The following DENND1A variants were observed in gnomAD, a reference collection of about 807,000 sequenced individuals.
DENND1A encodes DENN domain containing 1A, also known as DENN domain-containing protein 1A.
In DENND1A, 51 loss-of-function variants were observed where a neutral mutation model predicts 113.7. The observed-to-expected ratio is 0.45, with a 90% confidence interval of 0.36 to 0.57. The LOEUF (loss-of-function observed/expected upper bound fraction) is 0.57. Among genes scored for constraint, DENND1A ranks in the 20% least tolerant of loss-of-function variants. The pLI is 0.00. For missense variants in DENND1A, 1,258 were observed against 1,395.9 expected (o/e 0.90, Z 1.57); for synonymous variants, 565 against 570.8 (o/e 0.99, Z 0.14).
intron 2 of DENND1A, among the ~76,000 whole-genome samples, chr9:123,816,546 A>G (rs1837522446): frequency 6.6e-6 from 1 of 152,228 alleles, no homozygotes; most frequent in African/African-American, 2.4e-5. Context: ...AACTTATTAT[A>G]ATATAATATG....
At chr9:123,848,587 A>G (rs1397096958) in intron 2 of DENND1A, among the ~76,000 whole-genome samples, 2 of 152,116 alleles carry the variant, frequency 1.3e-5, no homozygotes, top group African/African-American at 2.4e-5. Flanking sequence ...TCACCCTACA[A>G]TGGCCTCTGA....
chr9:123,684,044 G>A (rs2064646664), intron 5 of DENND1A, among the ~76,000 whole-genome samples: 1 of 152,146 alleles, frequency 6.6e-6, no homozygotes, highest in African/African-American at 2.4e-5. Flanking sequence ...ATTATTCAAA[G>A]TAGATCAAGG....
intron 5 of DENND1A, among the ~76,000 whole-genome samples, chr9:123,740,899 T>TGAGAGAGAGAGAAAGA (rs2068955491): frequency 9.2e-6 from 1 of 108,870 alleles, no homozygotes. Context: ...GAAGGGAAAG[T>TGAGAGAGAGAGAAAGA]GAGAGAGAGA....
At chr9:123,576,372 G>A (rs2058636479) in intron 12 of DENND1A, among the ~76,000 whole-genome samples, 1 of 152,102 alleles carries the variant, frequency 6.6e-6, no homozygotes, top group African/African-American at 2.4e-5. Flanking sequence ...ACTATCTGTG[G>A]TTCTCTTCAC....
At chr9:123,833,351 A>G (rs959339349) in intron 2 of DENND1A, among the ~76,000 whole-genome samples, 2 of 152,112 alleles carry the variant, frequency 1.3e-5, no homozygotes, top group Non-Finnish European at 2.9e-5. Context: ...ATGTTATAAA[A>G]AAGTTTTTCT....
intron 12 of DENND1A, among the ~76,000 whole-genome samples, chr9:123,571,478 C>A (rs531872688): frequency 6.6e-6 from 1 of 152,342 alleles, no homozygotes; most frequent in East Asian, 1.9e-4. Flanking sequence ...TCCATCCCAG[C>A]CCAAGGCAAC....
intron 5 of DENND1A, chr9:123,751,600 T>C (rs1182606450): frequency 1.3e-5 from 2 of 152,248 alleles, no homozygotes; most frequent in African/African-American, 2.4e-5. Flanking sequence ...CAGTATTCCA[T>C]TTGCTACCGG....
chr9:123,727,406 A>G (rs1411030787), intron 5 of DENND1A, among the ~76,000 whole-genome samples: 1 of 152,226 alleles, frequency 6.6e-6, no homozygotes, highest in African/African-American at 2.4e-5. Flanking sequence ...AACACCTATG[A>G]CACTCAAGGA....
intron 22 of DENND1A, among the ~76,000 whole-genome samples, chr9:123,384,714 G>A (rs1443911965): frequency 3.3e-5 from 5 of 152,170 alleles, no homozygotes; most frequent in South Asian, 2.1e-4. Flanking sequence ...TTGGGAGGCC[G>A]AGGCGGGCGG....
At chr9:123,922,491 G>A (rs561827277) in intron 1 of DENND1A, among the ~76,000 whole-genome samples, 4 of 152,246 alleles carry the variant, frequency 2.6e-5, no homozygotes, top group South Asian at 2.1e-4. Context: ...ATATTCTCAC[G>A]TTCCAATGCG....
intron 11 of DENND1A, among the ~76,000 whole-genome samples, chr9:123,592,703 C>T (rs763200210): frequency 2.0e-5 from 3 of 152,068 alleles, no homozygotes; most frequent in Non-Finnish European, 4.4e-5. Flanking sequence ...TGAGGTCTTG[C>T]TGTGTTGTCC....
intron 4 of DENND1A, among the ~76,000 whole-genome samples, chr9:123,761,143 G>A (rs544933266): frequency 2.6e-5 from 4 of 152,096 alleles, no homozygotes; most frequent in South Asian, 2.1e-4. Context: ...TAAAAATGCT[G>A]GAAATGTGTT....
chr9:123,495,287 G>A (rs2051813549), intron 13 of DENND1A, among the ~76,000 whole-genome samples: 1 of 152,148 alleles, frequency 6.6e-6, no homozygotes, highest in African/African-American at 2.4e-5. Context: ...AAACGAATGT[G>A]TTGAGTGCAT....
chr9:123,859,580 C>G (rs1430428316), intron 2 of DENND1A, among the ~76,000 whole-genome samples: 1 of 151,910 alleles, frequency 6.6e-6, no homozygotes, highest in Admixed American at 6.6e-5. Flanking sequence ...ATCCATCCAT[C>G]CAAATATTCA....
intron 2 of DENND1A, among the ~76,000 whole-genome samples, chr9:123,836,412 A>T (rs1841059517): frequency 6.6e-6 from 1 of 152,202 alleles, no homozygotes; most frequent in Non-Finnish European, 1.5e-5. Context: ...TATTCACCAG[A>T]CTTGGCTTAA....
chr9:123,638,715 C>G (rs1043801951), intron 9 of DENND1A, among the ~76,000 whole-genome samples: 2 of 151,968 alleles, frequency 1.3e-5, no homozygotes, highest in Non-Finnish European at 2.9e-5. Flanking sequence ...GTCACCTCAG[C>G]CTCCCACAGT....
intron 19 of DENND1A, among the ~76,000 whole-genome samples, chr9:123,423,739 C>T (rs147360107): frequency 4.7e-4 from 72 of 152,236 alleles, no homozygotes; most frequent in African/African-American, 1.7e-3. Flanking sequence ...ATACTCCAGC[C>T]CTGATGCACC....
intron 12 of DENND1A, among the ~76,000 whole-genome samples, chr9:123,582,595 T>C (rs2058962485): frequency 6.6e-6 from 1 of 151,986 alleles, no homozygotes; most frequent in Non-Finnish European, 1.5e-5. Flanking sequence ...GAGACTGTGT[T>C]TCACCATGTT....
At chr9:123,558,498 C>T (rs1275155484) in intron 12 of DENND1A, among the ~76,000 whole-genome samples, 1 of 152,102 alleles carries the variant, frequency 6.6e-6, no homozygotes, top group Non-Finnish European at 1.5e-5. Flanking sequence ...TGTAAGCCAC[C>T]AGGTCTTACA....
Sources: gnomAD v4.1 joint callset for allele counts (sites outside exome capture counted in the v4.1 genomes callset) on GRCh38, gnomAD v4.1.1 for gene constraint, MANE v1.5 for transcripts, NCBI Gene and HGNC (gene_info 2026-07-23, HGNC 2026-07-21) for gene names.